C1QTNF4: variants seen among roughly 807,000 people sequenced by gnomAD.
C1QTNF4 encodes the protein complement C1q tumor necrosis factor-related protein 4.
Under a neutral mutation model 14.6 loss-of-function variants are expected in C1QTNF4, and 12 were observed. That is an observed-to-expected ratio of 0.82 (90% CI 0.53 to 1.33). C1QTNF4 has a LOEUF of 1.33. Ranked by LOEUF, C1QTNF4 falls within the 40% of genes most tolerant of loss-of-function variation. The probability of loss-of-function intolerance (pLI) is 0.00; values close to 1 mark genes in which losing one functional copy is unlikely to be tolerated. For synonymous variants in C1QTNF4, 278 were observed against 246.6 expected, an observed-to-expected ratio of 1.13 and a Z score of -1.19; for missense variants, 558 against 500.3, an observed-to-expected ratio of 1.12 and a Z score of -1.10.
chr11:47,590,649 G>C lies in C1QTNF4; in HGVS notation c.162C>G (p.Tyr54Ter). 6.2e-7 allele frequency: 1 copy of C among 1,611,706 alleles called. No individual in the cohort carries two copies. The stretch of plus-strand genomic sequence containing the variant: ...CATCGAAGTCGCCCCCGATGTTCAC[G>C]TACACCTTGTCGAAGGTCACCGCCA... ...SEMAVTFDKV[Y>*]VNIGGDFDVA... The change falls in exon 2 of 2, where the codon TAC becomes TAG. Residue 54 changes from tyrosine (Y) to a stop codon, truncating the protein, a stop_gained. Transcript: ENST00000302514. LOFTEE classifies it high-confidence loss of function.
chr11:47,590,747 CG>C lies in C1QTNF4; in HGVS notation c.63del (p.Gly22AlafsTer27). 1 of 1,598,404 alleles carries C rather than the reference CG, an allele frequency of 6.3e-7. No individual in the cohort carries two copies. The highest frequency in any genetic ancestry group is 8.5e-7 in the Non-Finnish European group (1 of 1,173,314). The part of the protein sequence containing the change: ...PAACWALGPT[P>X]GPGSSELRSA... ...GAGCGCAGCTCAGAGGATCCCGGGC[CG>C]GGGGTCGGGCCCAGGGCCCAGCAGG... On this transcript the variant is annotated frameshift_variant, in exon 2 of 2. Coordinates refer to ENST00000302514, the MANE Select transcript of C1QTNF4 (RefSeq NM_031909.3). LOFTEE classifies it high-confidence loss of function.
Position 47,590,144 on chromosome 11 carries a change from A to G in C1QTNF4, c.667T>C (p.Cys223Arg). 1 of 1,608,350 alleles carries G rather than the reference A, an allele frequency of 6.2e-7. No individual in the cohort carries two copies. Residue 223 changes from cysteine to arginine, a missense_variant, in exon 2 of 2, where the codon TGC becomes CGC. Cys to Arg is a radical substitution (Grantham distance 180). Transcript: ENST00000302514. ...AAGAAGTAGGCGCCGGGCAGACGGC[A>G]GCGGAACACGCCGGCCGCCGCGTCG... ...DFDAAAGVFR[C>R]RLPGAYFFSF... is the part of the protein sequence containing the mutation.
chr11:47,590,904 T>G, intron 1 of C1QTNF4, 89 bp from the exon 2 acceptor site: 2 of 1,427,268 alleles, frequency 1.4e-6, no homozygotes, highest in Non-Finnish European at 1.8e-6. Context: ...AGGGTTCTCT[T>G]CCCAGCCCTG....
chr11:47,590,880 T>A, intron 1 of C1QTNF4, 65 bp from the exon 2 acceptor site: 3 of 1,431,034 alleles, frequency 2.1e-6, no homozygotes, highest in Non-Finnish European at 2.7e-6. Flanking sequence ...CGCCCGGCTC[T>A]CCACCGGGAG....
chr11:47,590,398 C>T lies in C1QTNF4; in HGVS notation c.413G>A (p.Gly138Asp), dbSNP rs1415545859. The change falls in exon 2 of 2, where the codon GGC becomes GAC. Residue 138 changes from glycine to aspartate, a missense_variant. Coordinates refer to ENST00000302514, the MANE Select transcript of C1QTNF4 (RefSeq NM_031909.3). ...YGDTVWLRLH[G>D]APQYALGAPG... Reference sequence around the variant, plus strand: ...CGCGCCTAGCGCGTACTGCGGGGCGCCATGCAGCCGCAGCCACACTGTGTC... The same window carrying T: ...CGCGCCTAGCGCGTACTGCGGGGCGTCATGCAGCCGCAGCCACACTGTGTC... The T allele has an allele frequency of 8.1e-5, 119 of 1,476,076 alleles. No individual in the cohort carries two copies. In the East Asian group the frequency reaches 2.9e-3, roughly 37 times the overall value. The allele number at this position is 1,476,076 out of a possible 1,614,324, so 91.4% of individuals were successfully genotyped here.
rs2097274077 is a variant in C1QTNF4 at position 47,589,676 on chromosome 11, G to A, written c.*145C>T. ...AGACAGCGCAGGGGCCTGGGCTGCCGGGCGCTGCGCGTGCCCGCTTTCCGC... is the reference window on the plus strand; with the variant it reads ...AGACAGCGCAGGGGCCTGGGCTGCCAGGCGCTGCGCGTGCCCGCTTTCCGC... On this transcript the variant is annotated 3_prime_UTR_variant, in exon 2 of 2. Coordinates refer to ENST00000302514, the MANE Select transcript of C1QTNF4 (RefSeq NM_031909.3). The A allele has an allele frequency of 3.9e-6, 3 of 767,882 alleles. No individual in the cohort carries two copies. The highest frequency in any genetic ancestry group is 2.2e-5 in the South Asian group (1 of 45,850). The allele number at this position is 767,882 out of a possible 1,614,324, so 47.6% of individuals were successfully genotyped here.
Position 47,590,601 on chromosome 11 carries a change from G to A in C1QTNF4, c.210C>T (p.Cys70=), listed in dbSNP as rs767863057. 5.0e-5 allele frequency: 80 copies of A among 1,607,646 alleles called. 3 individuals are homozygous for A. The South Asian group carries it at 7.8e-4, about 16-fold the overall frequency. The change falls in exon 2 of 2, where the codon TGC becomes TGT. Residue 70 remains cysteine (C), a synonymous_variant. Coordinates refer to ENST00000302514, the MANE Select transcript of C1QTNF4 (RefSeq NM_031909.3). ...DFDVATGQFR[C]RVPGAYFFSF... ...AGAAGAAGTAGGCGCCGGGCACGCG[G>A]CAGCGAAACTGGCCGGTGGCCACAT... is the stretch of plus-strand genomic sequence containing the variant.
In C1QTNF4 at chr11:47,590,181, A is replaced by C; in HGVS notation, c.630T>G (p.Ile210Met). The C allele has an allele frequency of 6.3e-7, 1 of 1,593,874 alleles. No individual in the cohort carries two copies. The highest frequency in any genetic ancestry group is 1.7e-4 in the Middle Eastern group (1 of 5,966). ...PLAFDTEFVN[I>M]GGDFDAAAGV... Reference sequence around the variant, plus strand: ...CGGCCGCCGCGTCGAAGTCGCCGCCAATGTTGACGAACTCGGTGTCGAAGG... The same window carrying C: ...CGGCCGCCGCGTCGAAGTCGCCGCCCATGTTGACGAACTCGGTGTCGAAGG... The change falls in exon 2 of 2, where the codon ATT (isoleucine) becomes ATG (methionine). Residue 210 changes from isoleucine (I) to methionine (M), a missense_variant. Coordinates refer to ENST00000302514, the MANE Select transcript of C1QTNF4 (RefSeq NM_031909.3).
rs761680898 is a variant in C1QTNF4, at chr11:47,590,629, A to T, written c.182T>A (p.Phe61Tyr). The T allele has an allele frequency of 1.4e-5, 22 of 1,611,074 alleles. No homozygotes were observed. The highest frequency in any genetic ancestry group is 1.9e-5 in the Non-Finnish European group (22 of 1,179,296). The change falls in exon 2 of 2, where the codon TTC (phenylalanine) becomes TAC (tyrosine). Residue 61 changes from phenylalanine (F) to tyrosine (Y), a missense_variant. By Grantham distance (22) the Phe-to-Tyr change is conservative. Coordinates refer to ENST00000302514, the MANE Select transcript of C1QTNF4 (RefSeq NM_031909.3). Reference sequence around the variant, plus strand: ...GCGAAACTGGCCGGTGGCCACATCGAAGTCGCCCCCGATGTTCACGTACAC... The same window carrying T: ...GCGAAACTGGCCGGTGGCCACATCGTAGTCGCCCCCGATGTTCACGTACAC... ...DKVYVNIGGD[F>Y]DVATGQFRCR...
chr11:47,589,676 G>T lies in C1QTNF4; in HGVS notation c.*145C>A. ...AGACAGCGCAGGGGCCTGGGCTGCCGGGCGCTGCGCGTGCCCGCTTTCCGC... is the reference window on the plus strand; with the variant it reads ...AGACAGCGCAGGGGCCTGGGCTGCCTGGCGCTGCGCGTGCCCGCTTTCCGC... On this transcript the variant is annotated 3_prime_UTR_variant, in exon 2 of 2. Transcript: ENST00000302514. The T allele has an allele frequency of 1.3e-6, 1 of 768,000 alleles. No homozygotes were observed. The highest frequency in any genetic ancestry group is 1.9e-6 in the Non-Finnish European group (1 of 520,596). 47.6% of individuals were successfully genotyped at this position (768,000 alleles called of 1,614,324 possible).
chr11:47,593,162 C>G (rs1331772217), intron 1 of C1QTNF4, among the ~76,000 whole-genome samples: 3 of 152,186 alleles, frequency 2.0e-5, no homozygotes, highest in African/African-American at 4.8e-5. Context: ...CATTTTGGCC[C>G]AAGGTCACCC....
At position 47,590,067 on chromosome 11, in the gene C1QTNF4, C is replaced by T; in HGVS notation, c.744G>A (p.Met248Ile). 1 of 1,612,758 alleles carries T rather than the reference C, an allele frequency of 6.2e-7. No homozygotes were observed. Among genetic ancestry groups the T allele is most frequent in the Non-Finnish European group, 8.5e-7 (1 of 1,179,204 alleles). The change falls in exon 2 of 2, where the codon ATG (methionine) becomes ATA (isoleucine). Residue 248 changes from methionine to isoleucine, a missense_variant. Physicochemically the swap from Met to Ile is conservative, Grantham distance 10 (BLOSUM62 1). Transcript: ENST00000302514. ...TGGCCTGCACCTCGTCGCGGTTCTT[C>T]ATCAGCTTAACCGACAGCGTCTTAC... is the stretch of plus-strand genomic sequence containing the variant. ...LPRKTLSVKL[M>I]KNRDEVQAMI...
At chr11:47,592,954 T>TG (rs781681979) in intron 1 of C1QTNF4, among the ~76,000 whole-genome samples, 2 of 152,198 alleles carry the variant, frequency 1.3e-5, no homozygotes, top group Non-Finnish European at 2.9e-5. Context: ...AGGTGTCCTA[T>TG]GGATTAGTTA....
intron 1 of C1QTNF4, among the ~76,000 whole-genome samples, chr11:47,591,318 C>G (rs1246047296): frequency 7.9e-5 from 12 of 151,400 alleles, no homozygotes; most frequent in African/African-American, 2.7e-4. Flanking sequence ...CTCAAGTGAT[C>G]CACCTGCCTC....
intron 1 of C1QTNF4, 39 bp from the exon 2 acceptor site, chr11:47,590,854 A>G: frequency 7.0e-7 from 1 of 1,438,552 alleles, no homozygotes; most frequent in Non-Finnish European, 9.1e-7. Context: ...GAGTGTTGGC[A>G]GGGGCGGCTT....
Position 47,590,505 on chromosome 11 carries a change from C to T in C1QTNF4, c.306G>A (p.Gln102=), listed in dbSNP as rs1300089410. The T allele has an allele frequency of 3.8e-6, 6 of 1,567,202 alleles. No individual in the cohort carries two copies. The highest frequency in any genetic ancestry group is 5.2e-6 in the Non-Finnish European group (6 of 1,157,986). ...VMLVRNRDEV[Q]ALAFDEQRRP... ...GCCGCTGCTCGTCGAAGGCCAGCGC[C>T]TGCACCTCGTCGCGGTTTCGCACCA... Residue 102 remains glutamine, a synonymous_variant, in exon 2 of 2, where the codon CAG becomes CAA. Coordinates refer to ENST00000302514, the MANE Select transcript of C1QTNF4 (RefSeq NM_031909.3).
rs763965679 is a variant in C1QTNF4, at chr11:47,589,946, G to A, written c.865C>T (p.His289Tyr). Residue 289 changes from histidine to tyrosine, a missense_variant, in exon 2 of 2, where the codon CAC becomes TAC. By Grantham distance (83) the His-to-Tyr change is moderately conservative. Coordinates refer to ENST00000302514, the MANE Select transcript of C1QTNF4 (RefSeq NM_031909.3). ...TAGGCGCCGTAGCCGTCGTGGTCGTGGCTGAGCAGCCAGACGGCGTCGCCG... is the reference window on the plus strand; with the variant it reads ...TAGGCGCCGTAGCCGTCGTGGTCGTAGCTGAGCAGCCAGACGGCGTCGCCG... Reference protein sequence around the residue: ...RRGDAVWLLSHDHDGYGAYSN... With the variant: ...RRGDAVWLLSYDHDGYGAYSN... The A allele has an allele frequency of 3.1e-6, 5 of 1,609,954 alleles. No homozygotes were observed. The African/African-American group carries it at 5.3e-5, about 17-fold the overall frequency.
At position 47,589,975 on chromosome 11, in the gene C1QTNF4, C is replaced by T; in HGVS notation, c.836G>A (p.Arg279Gln). The change falls in exon 2 of 2, where the codon CGG becomes CAG. Residue 279 changes from arginine (R) to glutamine (Q), a missense_variant. Physicochemically the swap from Arg to Gln is conservative, Grantham distance 43. Coordinates refer to ENST00000302514, the MANE Select transcript of C1QTNF4 (RefSeq NM_031909.3). Reference sequence around the variant, plus strand: ...GAGCAGCCAGACGGCGTCGCCGCGCCGCAGGGCCAGCATCACGCTCTGGCT... The same window carrying T: ...GAGCAGCCAGACGGCGTCGCCGCGCTGCAGGGCCAGCATCACGCTCTGGCT... ...MQSQSVMLAL[R>Q]RGDAVWLLSH... 6.2e-7 allele frequency: 1 copy of T among 1,611,152 alleles called. No homozygotes were observed. Among genetic ancestry groups the T allele is most frequent in the Non-Finnish European group, 8.5e-7 (1 of 1,178,374 alleles).
At chr11:47,592,505 G>T (rs975835360) in intron 1 of C1QTNF4, among the ~76,000 whole-genome samples, 1 of 152,132 alleles carries the variant, frequency 6.6e-6, no homozygotes, top group Non-Finnish European at 1.5e-5. Context: ...TGACGTAAGG[G>T]TTTAGGGACT....
Sources: allele counts gnomAD v4.1 joint callset (sites outside exome capture counted in the v4.1 genomes callset), GRCh38; gene constraint gnomAD v4.1.1; transcripts MANE v1.5; gene names NCBI Gene and HGNC (gene_info 2026-07-23, HGNC 2026-07-21).